Variants in CDH13 observed in about 807,000 individuals in gnomAD.
CDH13 encodes the protein cadherin 13, also known as cadherin-13.
Under a neutral mutation model 63.8 loss-of-function variants are expected in CDH13, and 24 were observed. The ratio of observed to expected loss-of-function variants is 0.38; its 90% CI spans 0.27 to 0.53. The LOEUF (loss-of-function observed/expected upper bound fraction) is 0.53. CDH13 is among the 20% of genes least tolerant of loss of function. The pLI is 0.85. For synonymous variants in CDH13, 503 were observed against 355.3 expected (o/e 1.42, Z -4.67); for missense variants, 1,049 against 903.1 (o/e 1.16, Z -2.07).
intron 1 of CDH13, among the ~76,000 whole-genome samples, chr16:82,703,042 A>C (rs937191936): frequency 3.3e-5 from 5 of 152,162 alleles, no homozygotes; most frequent in African/African-American, 1.2e-4. Context: ...CACTTACAGC[A>C]TCAGTTCATG....
chr16:83,259,687 G>A (rs1906727710), intron 5 of CDH13, among the ~76,000 whole-genome samples: 2 of 152,010 alleles, frequency 1.3e-5, no homozygotes, highest in Admixed American at 6.6e-5. Context: ...GAGTACATGT[G>A]CACAATGTGC....
chr16:83,610,365 T>C (rs932180896), intron 8 of CDH13, among the ~76,000 whole-genome samples: 3 of 152,212 alleles, frequency 2.0e-5, no homozygotes, highest in Non-Finnish European at 4.4e-5. Flanking sequence ...CTTATCAACT[T>C]CTTTTTGTCA....
chr16:82,826,858 G>T (rs772478595), intron 1 of CDH13, among the ~76,000 whole-genome samples: 1 of 152,182 alleles, frequency 6.6e-6, no homozygotes, highest in Non-Finnish European at 1.5e-5. Context: ...CCACAGGAAG[G>T]GTGAGGCAGG....
chr16:83,293,602 C>G (rs1348907721), intron 5 of CDH13, among the ~76,000 whole-genome samples: 1 of 152,006 alleles, frequency 6.6e-6, no homozygotes, highest in Non-Finnish European at 1.5e-5. Context: ...TTTTACTAAT[C>G]AAATACATAA....
chr16:82,999,450 T>TTATA (rs141549475), intron 2 of CDH13, among the ~76,000 whole-genome samples: 1 of 152,020 alleles, frequency 6.6e-6, no homozygotes, highest in African/African-American at 2.4e-5. Context: ...TAACACATGT[T>TTATA]TATATATATA....
At chr16:83,602,431 T>A (rs772944993) in intron 7 of CDH13, 23 bp from the exon 8 acceptor site, 1 of 1,613,666 alleles carries the variant, frequency 6.2e-7, no homozygotes, top group South Asian at 1.1e-5. Flanking sequence ...GTCATATTAT[T>A]TCTTTGTGCT....
chr16:83,618,066 A>G (rs1909445821), intron 8 of CDH13, among the ~76,000 whole-genome samples: 1 of 152,210 alleles, frequency 6.6e-6, no homozygotes, highest in South Asian at 2.1e-4. Context: ...ATAACTGATG[A>G]ATGAATGAAT....
chr16:83,082,246 T>A (rs1597296978), intron 3 of CDH13, among the ~76,000 whole-genome samples: 1 of 152,212 alleles, frequency 6.6e-6, no homozygotes, highest in African/African-American at 2.4e-5. Flanking sequence ...CTTTCTCACA[T>A]GCAAAATGTA....
At chr16:83,560,042 C>G (rs1334987606) in intron 7 of CDH13, among the ~76,000 whole-genome samples, 1 of 152,202 alleles carries the variant, frequency 6.6e-6, no homozygotes, top group Non-Finnish European at 1.5e-5. Flanking sequence ...ATCGCTTCAA[C>G]TTCCTGCAAC....
At chr16:82,740,321 A>G (rs951030397) in intron 1 of CDH13, among the ~76,000 whole-genome samples, 2 of 152,218 alleles carry the variant, frequency 1.3e-5, no homozygotes, top group Non-Finnish European at 2.9e-5. Flanking sequence ...GACGTTCTCC[A>G]TTTGGTGAAA....
intron 3 of CDH13, among the ~76,000 whole-genome samples, chr16:83,050,796 C>G (rs1226326842): frequency 2.0e-5 from 3 of 152,076 alleles, no homozygotes; most frequent in East Asian, 1.9e-4. Flanking sequence ...ACACCTGTAC[C>G]TCATTACCTC....
At chr16:83,285,464 G>A (rs1186434766) in intron 5 of CDH13, among the ~76,000 whole-genome samples, 1 of 151,790 alleles carries the variant, frequency 6.6e-6, no homozygotes, top group African/African-American at 2.4e-5. Flanking sequence ...AGTACAGGTG[G>A]TCACAGATAT....
At chr16:83,099,855 A>G (rs544583291) in intron 3 of CDH13, among the ~76,000 whole-genome samples, 11 of 152,154 alleles carry the variant, frequency 7.2e-5, no homozygotes, top group Non-Finnish European at 1.3e-4. Context: ...AGCACTCAGT[A>G]AGAGTGAGGA....
At chr16:83,049,960 T>G (rs191411659) in intron 3 of CDH13, among the ~76,000 whole-genome samples, 1 of 152,210 alleles carries the variant, frequency 6.6e-6, no homozygotes, top group East Asian at 1.9e-4. Flanking sequence ...ATTAAGATGA[T>G]GCTACAAAAA....
At chr16:82,850,677 G>A (rs572005648) in intron 1 of CDH13, among the ~76,000 whole-genome samples, 151 of 152,234 alleles carry the variant, frequency 9.9e-4, no homozygotes, top group Non-Finnish European at 1.8e-3. Context: ...AGGAAGAGTC[G>A]ATAGATTGGC....
rs1413271100 is a variant in CDH13, at chr16:82,626,979, T to C, written c.-114T>C. On this transcript the variant is annotated 5_prime_UTR_variant, in exon 1 of 14. Transcript: ENST00000567109. ...TGCTGCTGCTGATCTATTTGGGAAG[T>C]TGGCTGGCTGGCGAGGCAGAGCCTC... 4.9e-6 allele frequency: 6 copies of C among 1,225,152 alleles called. No individual in the cohort carries two copies. The highest frequency in any genetic ancestry group is 3.9e-5 in the South Asian group (3 of 77,330). The allele number at this position is 1,225,152 out of a possible 1,614,324, so 75.9% of individuals were successfully genotyped here.
At chr16:83,433,939 C>T (rs752535357) in intron 6 of CDH13, among the ~76,000 whole-genome samples, 3 of 151,860 alleles carry the variant, frequency 2.0e-5, no homozygotes, top group South Asian at 2.1e-4. Context: ...ATTTCCTTTG[C>T]GTTGGGGGGG....
chr16:83,518,810 C>A (rs952738868), intron 7 of CDH13, among the ~76,000 whole-genome samples: 1 of 152,120 alleles, frequency 6.6e-6, no homozygotes, highest in Non-Finnish European at 1.5e-5. Flanking sequence ...CTGTTTTGCT[C>A]AGCACTTCTT....
At chr16:82,732,965 G>T (rs2033479119) in intron 1 of CDH13, among the ~76,000 whole-genome samples, 1 of 152,182 alleles carries the variant, frequency 6.6e-6, no homozygotes, top group Non-Finnish European at 1.5e-5. Context: ...AGTTGAAGCT[G>T]TGTCAGGCAG....
Sources: allele counts gnomAD v4.1 joint callset (sites outside exome capture counted in the v4.1 genomes callset), GRCh38; gene constraint gnomAD v4.1.1; transcripts MANE v1.5; gene names NCBI Gene and HGNC (gene_info 2026-07-23, HGNC 2026-07-21).